LDLRAD3: variants seen among roughly 807,000 people sequenced by gnomAD.
LDLRAD3 encodes the protein low density lipoprotein receptor class A domain containing 3, also known as low-density lipoprotein receptor class A domain-containing protein 3.
Under a neutral mutation model 29.4 loss-of-function variants are expected in LDLRAD3, and 20 were observed. The observed-to-expected ratio is 0.68, with a 90% CI of 0.48 to 0.99. The LOEUF is 0.99. Among genes scored for constraint, LDLRAD3 ranks in the 50% least tolerant of loss-of-function variants. LDLRAD3 has a pLI of 0.00. For synonymous variants in LDLRAD3, 157 were observed against 192.7 expected (o/e 0.81, Z 1.53); for missense variants, 420 against 454.3 (o/e 0.92, Z 0.69).
intron 1 of LDLRAD3, among the ~76,000 whole-genome samples, chr11:36,023,043 G>A (rs1318364626): frequency 6.6e-6 from 1 of 152,178 alleles, no homozygotes; most frequent in South Asian, 2.1e-4. Context: ...AGGAGGGAGT[G>A]TGCCTGTGTG....
intron 1 of LDLRAD3, among the ~76,000 whole-genome samples, chr11:36,019,665 C>T (rs1852069417): frequency 1.3e-5 from 2 of 152,156 alleles, no homozygotes; most frequent in African/African-American, 2.4e-5. Flanking sequence ...GGGCTTGTGC[C>T]TTTGCCTGCT....
intron 4 of LDLRAD3, among the ~76,000 whole-genome samples, chr11:36,178,802 C>T (rs566273152): frequency 2.6e-5 from 4 of 152,234 alleles, no homozygotes; most frequent in African/African-American, 4.8e-5. Context: ...CCTCCCATCC[C>T]TCCTGCCTTT....
intron 1 of LDLRAD3, among the ~76,000 whole-genome samples, chr11:35,965,240 T>C (rs932267651): frequency 2.0e-5 from 3 of 152,248 alleles, no homozygotes; most frequent in African/African-American, 7.2e-5. Context: ...AAATAAATTA[T>C]GTTTTAATAC....
chr11:36,212,798 C>T (rs1163112961), intron 4 of LDLRAD3, among the ~76,000 whole-genome samples: 3 of 152,070 alleles, frequency 2.0e-5, no homozygotes, highest in African/African-American at 7.2e-5. Context: ...AAGAAACTCT[C>T]TGGGGTGAAC....
intron 3 of LDLRAD3, among the ~76,000 whole-genome samples, chr11:36,083,161 C>G (rs1393354840): frequency 6.6e-6 from 1 of 152,198 alleles, no homozygotes; most frequent in Non-Finnish European, 1.5e-5. Flanking sequence ...ACGATCAAAC[C>G]TGTGTTAACA....
intron 2 of LDLRAD3, among the ~76,000 whole-genome samples, chr11:36,038,029 T>C (rs1852326880): frequency 1.3e-5 from 2 of 152,154 alleles, no homozygotes; most frequent in South Asian, 4.1e-4. Context: ...CCCTAGTAGC[T>C]GGGACCACAG....
At chr11:36,068,292 T>C (rs1312014580) in intron 2 of LDLRAD3, among the ~76,000 whole-genome samples, 3 of 152,206 alleles carry the variant, frequency 2.0e-5, no homozygotes, top group South Asian at 2.1e-4. Flanking sequence ...TGTAGAACCA[T>C]GAACTATGTT....
intron 4 of LDLRAD3, among the ~76,000 whole-genome samples, chr11:36,223,425 C>T (rs1855456211): frequency 6.6e-6 from 1 of 152,190 alleles, no homozygotes; most frequent in African/African-American, 2.4e-5. Context: ...CCACTTTCCT[C>T]CTTTAAGAAA....
intron 1 of LDLRAD3, among the ~76,000 whole-genome samples, chr11:36,034,990 G>T (rs192647281): frequency 6.6e-6 from 1 of 152,168 alleles, no homozygotes; most frequent in Non-Finnish European, 1.5e-5. Flanking sequence ...ACCCCGAGGC[G>T]GGTCTAGACA....
intron 2 of LDLRAD3, among the ~76,000 whole-genome samples, chr11:36,067,751 G>C (rs1403058276): frequency 2.6e-5 from 4 of 152,148 alleles, no homozygotes; most frequent in Non-Finnish European, 5.9e-5. Flanking sequence ...GCTCACTGCA[G>C]CCTCTGCCTC....
chr11:36,184,652 A>G (rs564910100), intron 4 of LDLRAD3, among the ~76,000 whole-genome samples: 22 of 152,316 alleles, frequency 1.4e-4, no homozygotes, highest in African/African-American at 4.8e-4. Context: ...GGTTCCCTGG[A>G]CCATCTGAGT....
intron 4 of LDLRAD3, among the ~76,000 whole-genome samples, chr11:36,217,752 C>A (rs1194474099): frequency 6.6e-6 from 1 of 151,952 alleles, no homozygotes; most frequent in African/African-American, 2.4e-5. Flanking sequence ...TTCCTAGCTT[C>A]TGGGGCCGCT....
At chr11:36,220,850 TAA>T (rs1855416752) in intron 4 of LDLRAD3, among the ~76,000 whole-genome samples, 1 of 152,224 alleles carries the variant, frequency 6.6e-6, no homozygotes, top group African/African-American at 2.4e-5. Flanking sequence ...AGAATTCATC[TAA>T]TGGCACATTT....
At chr11:36,072,313 C>T (rs180997433) in intron 2 of LDLRAD3, among the ~76,000 whole-genome samples, 152 of 152,330 alleles carry the variant, frequency 1.0e-3, no homozygotes, top group Middle Eastern at 3.4e-3. Context: ...TTCCACATTG[C>T]AGCCTCTGTC....
chr11:36,192,971 A>G (rs1010643850), intron 4 of LDLRAD3, among the ~76,000 whole-genome samples: 1 of 152,084 alleles, frequency 6.6e-6, no homozygotes, highest in African/African-American at 2.4e-5. Context: ...CACTTCCCTG[A>G]TCCTCCATTT....
chr11:36,107,629 A>G (rs1486083076), intron 4 of LDLRAD3, among the ~76,000 whole-genome samples: 1 of 152,228 alleles, frequency 6.6e-6, no homozygotes, highest in Non-Finnish European at 1.5e-5. Flanking sequence ...ATACACAAAT[A>G]CTTGCCATTG....
chr11:36,132,531 A>G (rs1165177726), intron 4 of LDLRAD3, among the ~76,000 whole-genome samples: 1 of 152,242 alleles, frequency 6.6e-6, no homozygotes, highest in Non-Finnish European at 1.5e-5. Flanking sequence ...CCCGTTTTAT[A>G]GATGAGAAAA....
chr11:36,145,402 C>T (rs1854174199), intron 4 of LDLRAD3, among the ~76,000 whole-genome samples: 1 of 103,598 alleles, frequency 9.7e-6, no homozygotes, highest in Non-Finnish European at 2.0e-5. Context: ...GCCCCCCGCC[C>T]AGCCAGCCAC....
intron 4 of LDLRAD3, among the ~76,000 whole-genome samples, chr11:36,113,736 T>C (rs907723008): frequency 1.3e-5 from 2 of 149,492 alleles, no homozygotes; most frequent in African/African-American, 5.0e-5. Context: ...TTCAGCAGCA[T>C]GATCTCAGCC....
Sources: allele counts gnomAD v4.1 joint callset (sites outside exome capture counted in the v4.1 genomes callset), GRCh38; gene constraint gnomAD v4.1.1; transcripts MANE v1.5; gene names NCBI Gene and HGNC (gene_info 2026-07-23, HGNC 2026-07-21).